RIN3: variants seen among roughly 807,000 people sequenced by gnomAD.
The protein encoded by RIN3 is RAB5 interacting protein 3.
RIN3 carries 54 observed loss-of-function variants against 76.3 expected under a neutral mutation model. The observed-to-expected ratio is 0.71, with a 90% confidence interval of 0.57 to 0.89. The LOEUF is 0.89. Among genes scored for constraint, RIN3 ranks in the 40% least tolerant of loss-of-function variants. RIN3 has a pLI of 0.00. For synonymous variants in RIN3, 576 were observed against 564.0 expected, an observed-to-expected ratio of 1.02 and a Z score of -0.30; for missense variants, 1,256 against 1,322.1, an observed-to-expected ratio of 0.95 and a Z score of 0.78.
intron 5 of RIN3, among the ~76,000 whole-genome samples, chr14:92,642,170 A>G (rs1184709996): frequency 2.0e-5 from 3 of 151,386 alleles, no homozygotes; most frequent in South Asian, 2.1e-4. Flanking sequence ...GGGCATGATC[A>G]TGGCTTACCC....
chr14:92,561,059 G>T (rs1897756494), intron 2 of RIN3, among the ~76,000 whole-genome samples: 3 of 42,092 alleles, frequency 7.1e-5, no homozygotes, highest in Admixed American at 3.2e-4. Flanking sequence ...ATATATATCT[G>T]CCATATATAT....
rs538866185 is a variant in RIN3 at position 92,514,758 on chromosome 14, C to T, written c.44+782C>T. 3.9e-5 allele frequency among the ~76,000 whole-genome samples: 6 copies of T among 152,332 alleles called. No homozygotes were observed. Among genetic ancestry groups the T allele is most frequent in the African/African-American group, 1.4e-4 (6 of 41,588 alleles). ...AGCTCGGGCATTGCTCGGGGCTGGG[C>T]TCTGGGAGAAAGTCCTCTCGCCTTG... On this transcript the variant is annotated intron_variant, in intron 1 of 9. Coordinates refer to ENST00000216487, the MANE Select transcript of RIN3 (RefSeq NM_024832.5). This position sits in a 1 kb window ranked among gnomAD's most constrained non-coding sequence, Gnocchi z 7.2.
intron 2 of RIN3, among the ~76,000 whole-genome samples, chr14:92,565,484 G>T (rs1897891914): frequency 6.6e-6 from 1 of 152,248 alleles, no homozygotes; most frequent in Non-Finnish European, 1.5e-5. Flanking sequence ...CAGAGCAGCA[G>T]CATGGGCTGC....
At chr14:92,518,789 CTGTGTGTGTG>C (rs61124300) in intron 1 of RIN3, among the ~76,000 whole-genome samples, 13 of 128,416 alleles carry the variant, frequency 1.0e-4, no homozygotes, top group South Asian at 2.8e-4. Context: ...TAAGGGTGGC[CTGTGTGTGTG>C]TGTGTGTGTG....
At chr14:92,638,334 G>T (rs1350240536) in intron 4 of RIN3, among the ~76,000 whole-genome samples, 1 of 152,238 alleles carries the variant, frequency 6.6e-6, no homozygotes, top group Non-Finnish European at 1.5e-5. Context: ...GCCAGCAGGA[G>T]TCCCCCGAGT....
At chr14:92,583,339 G>A (rs1566853870) in intron 3 of RIN3, among the ~76,000 whole-genome samples, 5 of 152,264 alleles carry the variant, frequency 3.3e-5, no homozygotes, top group Admixed American at 2.6e-4. Context: ...CCGTTTCCAT[G>A]TGCCTGGATT....
At chr14:92,544,414 T>TGGGGGGGGGGGGGG (rs71123353) in intron 1 of RIN3, among the ~76,000 whole-genome samples, 27 of 74,556 alleles carry the variant, frequency 3.6e-4, no homozygotes, top group South Asian at 1.6e-3. Context: ...GTGACAGCTG[T>TGGGGGGGGGGGGGG]GGGGGGGGGG....
chr14:92,580,046 G>A (rs1265335437), intron 3 of RIN3, among the ~76,000 whole-genome samples: 1 of 152,250 alleles, frequency 6.6e-6, no homozygotes, highest in East Asian at 1.9e-4. Context: ...GCTATAAGGA[G>A]GTCTTTCCGC....
intron 3 of RIN3, among the ~76,000 whole-genome samples, chr14:92,611,266 T>C (rs72699818): frequency 0.12 from 18,801 of 151,350 alleles, 1,489 homozygotes; most frequent in Non-Finnish European, 0.18. Flanking sequence ...CTTCGCTGGG[T>C]CTGTGTCCCA....
intron 2 of RIN3, among the ~76,000 whole-genome samples, chr14:92,560,022 G>A (rs1204535535): frequency 6.6e-6 from 1 of 152,240 alleles, no homozygotes; most frequent in African/African-American, 2.4e-5. Context: ...GACAAAGCCA[G>A]GCTAGGTTGC....
chr14:92,679,085 G>A (rs914553099), intron 8 of RIN3, among the ~76,000 whole-genome samples: 2 of 152,250 alleles, frequency 1.3e-5, no homozygotes, highest in African/African-American at 2.4e-5. Context: ...CGAGGCCAGA[G>A]AGCATGTCAA....
intron 3 of RIN3, among the ~76,000 whole-genome samples, chr14:92,581,895 T>A (rs2140065162): frequency 6.6e-6 from 1 of 151,868 alleles, no homozygotes; most frequent in East Asian, 1.9e-4. Context: ...GGATGGAAAA[T>A]CACTAAGGGG....
At chr14:92,679,148 A>G (rs1407111606) in intron 8 of RIN3, among the ~76,000 whole-genome samples, 2 of 152,230 alleles carry the variant, frequency 1.3e-5, no homozygotes, top group African/African-American at 4.8e-5. Context: ...AAAAAAGTTC[A>G]TAACGGCGCT....
chr14:92,590,952 A>G (rs1195115803), intron 3 of RIN3, among the ~76,000 whole-genome samples: 1 of 152,234 alleles, frequency 6.6e-6, no homozygotes, highest in Non-Finnish European at 1.5e-5. Flanking sequence ...AAGACATATT[A>G]AAAGGCATTA....
At chr14:92,610,274 GA>G (rs1885683293) in intron 3 of RIN3, among the ~76,000 whole-genome samples, 1 of 152,034 alleles carries the variant, frequency 6.6e-6, no homozygotes, top group African/African-American at 2.4e-5. Flanking sequence ...ATTATAAAAA[GA>G]AAGAAAAAAA....
intron 4 of RIN3, among the ~76,000 whole-genome samples, chr14:92,629,678 C>T (rs1487855264): frequency 1.3e-5 from 2 of 152,250 alleles, no homozygotes; most frequent in Non-Finnish European, 2.9e-5. Flanking sequence ...CACCAGGTAC[C>T]TGGCACTGTG....
intron 3 of RIN3, among the ~76,000 whole-genome samples, chr14:92,592,382 CAG>C (rs956521024): frequency 6.5e-5 from 9 of 138,946 alleles, no homozygotes; most frequent in African/African-American, 2.2e-4. Flanking sequence ...GCCTGGGCGA[CAG>C]AGTGAGACTC....
chr14:92,517,999 C>G (rs532002350), intron 1 of RIN3, among the ~76,000 whole-genome samples: 27 of 152,350 alleles, frequency 1.8e-4, no homozygotes, highest in African/African-American at 6.5e-4. Flanking sequence ...CAGTGTACAG[C>G]TTCACATCTT....
chr14:92,559,894 C>T (rs1897713074), intron 2 of RIN3, among the ~76,000 whole-genome samples: 2 of 152,222 alleles, frequency 1.3e-5, no homozygotes, highest in South Asian at 2.1e-4. Flanking sequence ...TTGCATTCAT[C>T]TACCAGTGAC....
Sources: allele counts gnomAD v4.1 joint callset (sites outside exome capture counted in the v4.1 genomes callset), GRCh38; gene constraint gnomAD v4.1.1; non-coding constraint Gnocchi (gnomAD v3.1); transcripts MANE v1.5; gene names NCBI Gene and HGNC (gene_info 2026-07-23, HGNC 2026-07-21).